CACNA2D1: variants seen among roughly 807,000 people sequenced by gnomAD.
CACNA2D1 encodes the protein voltage-dependent calcium channel subunit alpha-2/delta-1.
A neutral mutation model predicts 171.5 loss-of-function variants in CACNA2D1; 53 were observed. The ratio of observed to expected loss-of-function variants is 0.31; its 90% CI spans 0.25 to 0.39. CACNA2D1 has a LOEUF of 0.39. CACNA2D1 is among the 10% of genes least tolerant of loss of function. CACNA2D1 has a pLI of 1.00. For missense variants in CACNA2D1, 903 were observed against 1,299.8 expected (o/e 0.69, Z 4.69); for synonymous variants, 442 against 443.1 (o/e 1.00, Z 0.03).
intron 3 of CACNA2D1, among the ~76,000 whole-genome samples, chr7:82,258,817 C>CTTTTTTTTTTTTTTTTTTTTTTTTTTTTT (rs201927487): frequency 5.5e-5 from 4 of 72,616 alleles, no homozygotes; most frequent in African/African-American, 1.1e-4. Flanking sequence ...TCTTACTTTT[C>CTTTTTTTTTTTTTTTTTTTTTTTTTTTTT]TTTTTTTTTT....
At chr7:82,287,874 C>G (rs1256596285) in intron 3 of CACNA2D1, among the ~76,000 whole-genome samples, 1 of 151,658 alleles carries the variant, frequency 6.6e-6, no homozygotes. Context: ...GAGTCTCGCT[C>G]TGTCGCCCAG....
chr7:82,029,354 A>T (rs1207261992), intron 12 of CACNA2D1: 1 of 151,752 alleles, frequency 6.6e-6, no homozygotes, highest in Non-Finnish European at 1.5e-5. Context: ...TAACTTTTAT[A>T]CACAATGGGA....
intron 10 of CACNA2D1, among the ~76,000 whole-genome samples, chr7:82,059,742 A>T (rs961135786): frequency 2.0e-5 from 3 of 151,756 alleles, no homozygotes; most frequent in Non-Finnish European, 4.4e-5. Context: ...ACTTGGAACC[A>T]ACCCAGATGT....
At chr7:82,307,509 T>A (rs1813892757) in intron 3 of CACNA2D1, among the ~76,000 whole-genome samples, 1 of 150,172 alleles carries the variant, frequency 6.7e-6, no homozygotes, top group South Asian at 2.1e-4. Flanking sequence ...TTATAATTCT[T>A]AAAATAATTA....
At chr7:82,062,103 A>G (rs1807005456) in intron 9 of CACNA2D1, among the ~76,000 whole-genome samples, 1 of 152,142 alleles carries the variant, frequency 6.6e-6, no homozygotes, top group South Asian at 2.1e-4. Flanking sequence ...TTAGTTTTAT[A>G]AGGGCAGTTT....
At chr7:82,203,462 A>G (rs992271540) in intron 3 of CACNA2D1, among the ~76,000 whole-genome samples, 6 of 152,146 alleles carry the variant, frequency 3.9e-5, no homozygotes, top group Admixed American at 3.9e-4. Flanking sequence ...ACCATATGTC[A>G]TGGTCTTGTT....
At chr7:82,093,860 C>CAG (rs1427347684) in intron 6 of CACNA2D1, among the ~76,000 whole-genome samples, 2 of 152,098 alleles carry the variant, frequency 1.3e-5, no homozygotes, top group African/African-American at 4.8e-5. Flanking sequence ...AGAAGAAACT[C>CAG]TGGCTGAGAA....
At chr7:82,137,486 T>C (rs959712912) in intron 4 of CACNA2D1, among the ~76,000 whole-genome samples, 9 of 152,090 alleles carry the variant, frequency 5.9e-5, no homozygotes, top group Admixed American at 2.0e-4. Context: ...ATTGAAGATA[T>C]AGTTCATCTT....
intron 3 of CACNA2D1, among the ~76,000 whole-genome samples, chr7:82,193,489 T>G (rs1214374906): frequency 6.6e-6 from 1 of 151,998 alleles, no homozygotes; most frequent in Non-Finnish European, 1.5e-5. Context: ...CTAAAAAGAT[T>G]AAGCGTGAAC....
At chr7:81,967,543 T>C (rs1023626350) in intron 30 of CACNA2D1, 53 bp downstream of exon 30, 1 of 954,004 alleles carries the variant, frequency 1.0e-6, no homozygotes, top group South Asian at 1.4e-5. Flanking sequence ...TTTTTTTCTA[T>C]TGAATTTTGA....
intron 20 of CACNA2D1, 50 bp downstream of exon 20, chr7:81,994,818 T>G: frequency 1.1e-6 from 1 of 898,138 alleles, no homozygotes; most frequent in Non-Finnish European, 1.9e-6. Flanking sequence ...CCAATATCAA[T>G]TATTCTTGAT....
chr7:82,204,776 G>T (rs1186306701), intron 3 of CACNA2D1, among the ~76,000 whole-genome samples: 1 of 152,162 alleles, frequency 6.6e-6, no homozygotes, highest in African/African-American at 2.4e-5. Context: ...AGGCCTCTGT[G>T]TCAGACCTGT....
intron 1 of CACNA2D1, among the ~76,000 whole-genome samples, chr7:82,438,596 G>A (rs1487119637): frequency 6.6e-6 from 1 of 152,146 alleles, no homozygotes; most frequent in Non-Finnish European, 1.5e-5. Flanking sequence ...TCCTGTGTAA[G>A]CTACATGGTT....
chr7:82,081,390 G>T (rs76273181), intron 7 of CACNA2D1, among the ~76,000 whole-genome samples: 9,993 of 152,116 alleles, frequency 0.066, 358 homozygotes, highest in Middle Eastern at 0.15. Context: ...CACTTTTAAA[G>T]TTATGACATT....
intron 6 of CACNA2D1, among the ~76,000 whole-genome samples, chr7:82,086,384 T>C (rs1810488448): frequency 6.6e-6 from 1 of 152,200 alleles, no homozygotes; most frequent in Non-Finnish European, 1.5e-5. Context: ...GATTTTCATC[T>C]TTATGGATGC....
intron 26 of CACNA2D1, among the ~76,000 whole-genome samples, chr7:81,971,312 T>C (rs966778779): frequency 1.3e-5 from 2 of 151,574 alleles, no homozygotes; most frequent in East Asian, 3.9e-4. Flanking sequence ...TGTGATTTCT[T>C]AGAAATGGGA....
chr7:82,378,137 C>G (rs2129448971), intron 1 of CACNA2D1, among the ~76,000 whole-genome samples: 1 of 152,334 alleles, frequency 6.6e-6, no homozygotes, highest in African/African-American at 2.4e-5. Flanking sequence ...GTGGCGCATG[C>G]TTGTAATTCC....
At chr7:82,113,910 A>G (rs977682732) in intron 6 of CACNA2D1, among the ~76,000 whole-genome samples, 7 of 152,220 alleles carry the variant, frequency 4.6e-5, no homozygotes, top group Admixed American at 3.9e-4. Flanking sequence ...AAAGATGAAG[A>G]TGCCAATATT....
At chr7:82,152,166 A>T (rs187091138) in intron 4 of CACNA2D1, among the ~76,000 whole-genome samples, 1 of 152,082 alleles carries the variant, frequency 6.6e-6, no homozygotes, top group Admixed American at 6.5e-5. Flanking sequence ...TATTAATATA[A>T]TAATATGCCT....
Sources: gnomAD v4.1 joint callset for allele counts (sites outside exome capture counted in the v4.1 genomes callset) on GRCh38, gnomAD v4.1.1 for gene constraint, MANE v1.5 for transcripts, NCBI Gene and HGNC (gene_info 2026-07-23, HGNC 2026-07-21) for gene names.